OPCML: variants seen among roughly 807,000 people sequenced by gnomAD.
OPCML encodes opioid-binding protein/cell adhesion molecule.
A neutral mutation model predicts 37.8 loss-of-function variants in OPCML; 13 were observed. The observed-to-expected ratio is 0.34, with a 90% CI of 0.22 to 0.55. The LOEUF (loss-of-function observed/expected upper bound fraction) is 0.55, where lower values mean the gene tolerates loss of function less well. Among genes scored for constraint, OPCML ranks in the 20% least tolerant of loss-of-function variants. OPCML has a pLI of 0.91. For missense variants in OPCML, 341 were observed against 435.6 expected, an observed-to-expected ratio of 0.78 and a Z score of 1.93; for synonymous variants, 176 against 168.8, an observed-to-expected ratio of 1.04 and a Z score of -0.33.
At chr11:133,082,062 CCTG>C (rs1948728822) in intron 1 of OPCML, among the ~76,000 whole-genome samples, 1 of 152,056 alleles carries the variant, frequency 6.6e-6, no homozygotes, top group East Asian at 1.9e-4. Context: ...TGGCGCCATT[CCTG>C]CTGCTAAGAG....
chr11:132,644,281 A>G (rs1373704342), intron 3 of OPCML, among the ~76,000 whole-genome samples: 1 of 152,184 alleles, frequency 6.6e-6, no homozygotes, highest in Non-Finnish European at 1.5e-5. Context: ...TTCTAGGAGC[A>G]GTATTTCTAC....
At chr11:132,483,732 G>A (rs1382796067) in intron 4 of OPCML, among the ~76,000 whole-genome samples, 2 of 151,850 alleles carry the variant, frequency 1.3e-5, no homozygotes, top group African/African-American at 4.8e-5. Flanking sequence ...TAGATCAATG[G>A]AACAGAACAG....
intron 2 of OPCML, among the ~76,000 whole-genome samples, chr11:132,911,892 A>G (rs1231959677): frequency 6.6e-6 from 1 of 152,226 alleles, no homozygotes; most frequent in Admixed American, 6.5e-5. Flanking sequence ...CCAGGGACAC[A>G]CAGGAGCTTA....
At chr11:133,476,413 A>G (rs1251914262) in intron 1 of OPCML, among the ~76,000 whole-genome samples, 1 of 151,820 alleles carries the variant, frequency 6.6e-6, no homozygotes, top group Non-Finnish European at 1.5e-5. Context: ...TTCTGATCCA[A>G]AATGAACTTC....
Position 132,932,776 on chromosome 11 carries a change from T to G in OPCML, c.146+10150A>C, listed in dbSNP as rs1395495967. ...TAGCAACTGTTTATTGTGCTCTTGC[T>G]GCAATGTAAAACTTTAATCTGAAAT... On this transcript the variant is annotated intron_variant, in intron 2 of 7. Coordinates refer to ENST00000524381, the MANE Select transcript of OPCML (RefSeq NM_001012393.5). 2.6e-5 allele frequency among the ~76,000 whole-genome samples: 4 copies of G among 151,404 alleles called. No individual in the cohort carries two copies. The East Asian group carries it at 7.7e-4, about 29-fold the overall frequency.
At chr11:132,900,862 C>A (rs1944036530) in intron 2 of OPCML, among the ~76,000 whole-genome samples, 1 of 152,142 alleles carries the variant, frequency 6.6e-6, no homozygotes, top group Admixed American at 6.6e-5. Flanking sequence ...CCACTAGCGC[C>A]CTTGCCATCT....
intron 2 of OPCML, among the ~76,000 whole-genome samples, chr11:132,820,212 A>G (rs1448436861): frequency 6.6e-6 from 1 of 152,162 alleles, no homozygotes; most frequent in Non-Finnish European, 1.5e-5. Context: ...ACCTCTAGTT[A>G]ATGGGGGTCC....
intron 3 of OPCML, among the ~76,000 whole-genome samples, chr11:132,574,009 C>T (rs780407961): frequency 4.6e-5 from 7 of 151,750 alleles, no homozygotes; most frequent in South Asian, 4.2e-4. Flanking sequence ...GATTAATTGG[C>T]GCTTAATTGT....
intron 3 of OPCML, among the ~76,000 whole-genome samples, chr11:132,586,000 C>T (rs965100162): frequency 1.3e-5 from 2 of 152,160 alleles, no homozygotes; most frequent in African/African-American, 4.8e-5. Context: ...AGCATCATTA[C>T]ACCTGCCTTC....
At chr11:133,154,429 G>A (rs1257130405) in intron 1 of OPCML, among the ~76,000 whole-genome samples, 1 of 151,914 alleles carries the variant, frequency 6.6e-6, no homozygotes, top group Non-Finnish European at 1.5e-5. Context: ...TTTGTAACAG[G>A]TTCTGCAATT....
chr11:132,580,878 TTTTTA>T (rs1378380416), intron 3 of OPCML, among the ~76,000 whole-genome samples: 1 of 152,138 alleles, frequency 6.6e-6, no homozygotes, highest in Non-Finnish European at 1.5e-5. Flanking sequence ...TCCATCCTTC[TTTTTA>T]TTTTGTTTTC....
intron 2 of OPCML, among the ~76,000 whole-genome samples, chr11:132,674,878 T>G (rs541632816): frequency 6.6e-6 from 1 of 152,316 alleles, no homozygotes; most frequent in South Asian, 2.1e-4. Flanking sequence ...CAGTGCTGCT[T>G]CTTCATGGCA....
intron 4 of OPCML, among the ~76,000 whole-genome samples, chr11:132,469,487 CTGTG>C (rs752009395): frequency 2.9e-5 from 4 of 138,706 alleles, no homozygotes; most frequent in African/African-American, 5.4e-5. Context: ...TGTGTGGTGA[CTGTG>C]TGTGTATGTA....
At chr11:132,443,378 C>A (rs1463983438) in intron 4 of OPCML, among the ~76,000 whole-genome samples, 1 of 152,180 alleles carries the variant, frequency 6.6e-6, no homozygotes, top group African/African-American at 2.4e-5. Context: ...GGTGGCCACC[C>A]AGGGGTCTTT....
intron 4 of OPCML, among the ~76,000 whole-genome samples, chr11:132,464,428 A>C (rs1158069387): frequency 6.6e-6 from 1 of 152,198 alleles, no homozygotes; most frequent in Admixed American, 6.5e-5. Context: ...CAGCCTGGCC[A>C]CTAGAATGTA....
intron 2 of OPCML, among the ~76,000 whole-genome samples, chr11:132,702,712 C>G (rs1005441920): frequency 1.3e-5 from 2 of 152,044 alleles, no homozygotes; most frequent in African/African-American, 2.4e-5. Context: ...TTGGCTCACT[C>G]GATGGTGTCC....
chr11:132,806,383 A>G (rs1939008775), intron 2 of OPCML, among the ~76,000 whole-genome samples: 1 of 152,182 alleles, frequency 6.6e-6, no homozygotes, highest in Non-Finnish European at 1.5e-5. Context: ...CTTTAAATAT[A>G]AAGAAATAGA....
intron 1 of OPCML, among the ~76,000 whole-genome samples, chr11:133,493,492 T>G (rs1335374876): frequency 3.3e-5 from 5 of 152,226 alleles, no homozygotes; most frequent in Admixed American, 1.3e-4. Context: ...CATAGCATTT[T>G]ATAACCCATG....
intron 1 of OPCML, among the ~76,000 whole-genome samples, chr11:133,529,772 A>G (rs1479381811): frequency 1.3e-5 from 2 of 152,210 alleles, no homozygotes; most frequent in African/African-American, 4.8e-5. Flanking sequence ...AAAAAGCATC[A>G]TCATTTGAAA....
Sources: allele counts gnomAD v4.1 joint callset (sites outside exome capture counted in the v4.1 genomes callset), GRCh38; gene constraint gnomAD v4.1.1; transcripts MANE v1.5; gene names NCBI Gene and HGNC (gene_info 2026-07-23, HGNC 2026-07-21).